The following NEBL variants were observed in gnomAD, a reference collection of about 807,000 sequenced individuals.
NEBL encodes the protein nebulette, also known as LIM and SH3 protein 2.
NEBL carries 122 observed loss-of-function variants against 140.2 expected under a neutral mutation model. That is an observed-to-expected ratio of 0.87 (90% CI 0.75 to 1.01). The LOEUF (loss-of-function observed/expected upper bound fraction) is 1.01. Ranked by LOEUF, NEBL falls within the 50% of genes least tolerant of loss-of-function variation. The pLI is 0.00. For synonymous variants in NEBL, 436 were observed against 398.9 expected, an observed-to-expected ratio of 1.09 and a Z score of -1.11; for missense variants, 1,365 against 1,231.3, an observed-to-expected ratio of 1.11 and a Z score of -1.62.
intron 3 of NEBL, among the ~76,000 whole-genome samples, chr10:21,198,734 G>A (rs1042899062): frequency 6.6e-6 from 1 of 152,024 alleles, no homozygotes; most frequent in Non-Finnish European, 1.5e-5. Flanking sequence ...ACTAGTGCCA[G>A]CTACTTTCCC....
At chr10:21,154,412 T>C (rs1199108693) in intron 2 of NEBL, among the ~76,000 whole-genome samples, 4 of 145,064 alleles carry the variant, frequency 2.8e-5, no homozygotes, top group African/African-American at 1.1e-4. Context: ...TGAGCTGAAA[T>C]CGCGCCACTG....
At chr10:20,827,636 T>A (rs1840002185) in intron 17 of NEBL, among the ~76,000 whole-genome samples, 1 of 152,128 alleles carries the variant, frequency 6.6e-6, no homozygotes, top group Admixed American at 6.6e-5. Flanking sequence ...ATAGTGCTGA[T>A]GCACTATTTA....
At chr10:20,831,141 C>T (rs1016977007) in intron 16 of NEBL, 55 bp downstream of exon 16, 1 of 1,206,952 alleles carries the variant, frequency 8.3e-7, no homozygotes, top group Non-Finnish European at 1.2e-6. Context: ...ATACAAAGCA[C>T]ATGGCAACAT....
chr10:21,015,278 G>C (rs1418092273), intron 3 of NEBL, among the ~76,000 whole-genome samples: 1 of 152,176 alleles, frequency 6.6e-6, no homozygotes, highest in African/African-American at 2.4e-5. Flanking sequence ...CCGCTCCCCT[G>C]CTTCAATCAC....
At chr10:21,120,452 C>G (rs1838511415) in intron 2 of NEBL, among the ~76,000 whole-genome samples, 1 of 128,302 alleles carries the variant, frequency 7.8e-6, no homozygotes. Flanking sequence ...AAAGTATTCC[C>G]CATCATAAAG....
At chr10:21,107,792 TG>T (rs1837791647) in intron 2 of NEBL, among the ~76,000 whole-genome samples, 1 of 152,214 alleles carries the variant, frequency 6.6e-6, no homozygotes, top group Non-Finnish European at 1.5e-5. Flanking sequence ...TGAATCCATC[TG>T]GTCTTGGCCT....
At chr10:21,281,486 CTT>C (rs34747568) in intron 1 of NEBL, among the ~76,000 whole-genome samples, 19 of 147,570 alleles carry the variant, frequency 1.3e-4, no homozygotes, top group East Asian at 9.8e-4. Context: ...TTCTTTCTTT[CTT>C]TTTTTTTTTA....
At chr10:20,977,199 A>C (rs1303687257) in intron 3 of NEBL, among the ~76,000 whole-genome samples, 1 of 152,212 alleles carries the variant, frequency 6.6e-6, no homozygotes, top group Non-Finnish European at 1.5e-5. Context: ...TAGAAGCCGG[A>C]AGTCAGCACG....
chr10:20,796,809 G>A (rs181183494), intron 26 of NEBL, among the ~76,000 whole-genome samples: 30 of 152,112 alleles, frequency 2.0e-4, no homozygotes, highest in Middle Eastern at 6.8e-3. Context: ...CAGGATTGTC[G>A]GTGAGGGAAA....
intron 2 of NEBL, among the ~76,000 whole-genome samples, chr10:21,097,765 A>G (rs1837260031): frequency 6.6e-6 from 1 of 152,230 alleles, no homozygotes; most frequent in Non-Finnish European, 1.5e-5. Flanking sequence ...TTCAATCACC[A>G]CAACTGAAAT....
At chr10:20,933,744 A>G (rs1289438534) in intron 4 of NEBL, among the ~76,000 whole-genome samples, 1 of 152,198 alleles carries the variant, frequency 6.6e-6, no homozygotes. Context: ...TTTCAAAAAC[A>G]AAAAAAGAAA....
intron 1 of NEBL, among the ~76,000 whole-genome samples, chr10:21,271,768 C>T (rs111827732): frequency 0.022 from 3,394 of 151,954 alleles, 140 homozygotes; most frequent in African/African-American, 0.078. Context: ...TCAAGTGATC[C>T]ACCCGCGTCA....
At chr10:21,218,862 G>T (rs1463417109) in intron 3 of NEBL, among the ~76,000 whole-genome samples, 1 of 152,126 alleles carries the variant, frequency 6.6e-6, no homozygotes. Flanking sequence ...GGGAGATAAG[G>T]GTTATTTTCG....
chr10:21,113,344 T>C, intron 2 of NEBL: 1 of 322,928 alleles, frequency 3.1e-6, no homozygotes, highest in Non-Finnish European at 5.6e-6. Flanking sequence ...AGGACCTAAT[T>C]CTGTAGAAGA....
At chr10:20,906,191 A>T (rs1434544224) in intron 4 of NEBL, among the ~76,000 whole-genome samples, 1 of 152,202 alleles carries the variant, frequency 6.6e-6, no homozygotes, top group African/African-American at 2.4e-5. Context: ...TCACACTTTT[A>T]CATTTCTATA....
chr10:20,843,204 C>T (rs930175075), intron 12 of NEBL, among the ~76,000 whole-genome samples: 3 of 152,000 alleles, frequency 2.0e-5, no homozygotes, highest in Non-Finnish European at 4.4e-5. Context: ...ACTGAAGTCA[C>T]AGTACAAAGG....
rs181284274 is a variant in NEBL, at chr10:21,168,770, C to T, written c.164+3613G>A. Among the ~76,000 whole-genome samples, 95 of 151,746 alleles carry T rather than the reference C, an allele frequency of 6.3e-4. 1 individual carries two copies. The highest frequency in any genetic ancestry group is 1.3e-3 in the Admixed American group (20 of 15,220). ...AATGGAAAAATGGCTCAACAGTGGC[C>T]GGGCGCGGTGGCTCATGCCTGTAAT... On this transcript the variant is annotated intron_variant, in intron 2 of 6. Coordinates refer to the NEBL transcript ENST00000417816.
intron 3 of NEBL, among the ~76,000 whole-genome samples, chr10:21,212,370 T>C (rs935432043): frequency 6.6e-6 from 1 of 152,116 alleles, no homozygotes; most frequent in Non-Finnish European, 1.5e-5. Flanking sequence ...ATTAGTGCAA[T>C]CCTGGCCCCA....
At chr10:21,036,034 G>A (rs1033508018) in intron 2 of NEBL, among the ~76,000 whole-genome samples, 2 of 151,944 alleles carry the variant, frequency 1.3e-5, no homozygotes, top group African/African-American at 2.4e-5. Flanking sequence ...ATGGTGGCGC[G>A]CACCTGTAAT....
Sources: allele counts gnomAD v4.1 joint callset (sites outside exome capture counted in the v4.1 genomes callset), GRCh38; gene constraint gnomAD v4.1.1; transcripts MANE v1.5; gene names NCBI Gene and HGNC (gene_info 2026-07-23, HGNC 2026-07-21).